The following RBBP8 variants were observed in gnomAD, a reference collection of about 807,000 sequenced individuals.
The protein encoded by RBBP8 is DNA endonuclease RBBP8.
RBBP8 carries 88 observed loss-of-function variants against 108.3 expected under a neutral mutation model. The observed-to-expected ratio is 0.81, with a 90% confidence interval of 0.68 to 0.97. The LOEUF is 0.97. Among genes scored for constraint, RBBP8 ranks in the 50% least tolerant of loss-of-function variants. The pLI, the probability that RBBP8 is intolerant of heterozygous loss-of-function variation, is 0.00. For synonymous variants in RBBP8, 332 were observed against 348.2 expected (o/e 0.95, Z 0.52); for missense variants, 1,023 against 1,049.0 (o/e 0.98, Z 0.34).
chr18:23,026,349 A>G lies in RBBP8; in HGVS notation c.*109A>G, dbSNP rs1352528262. Reference sequence around the variant, plus strand: ...TTTTTGATCTTCTGTAAATGGATTTATAAATCAGTTTTCTATTGAAAATGT... The same window carrying G: ...TTTTTGATCTTCTGTAAATGGATTTGTAAATCAGTTTTCTATTGAAAATGT... On this transcript the variant is annotated 3_prime_UTR_variant, in exon 19 of 19. Coordinates refer to ENST00000327155, the MANE Select transcript of RBBP8 (RefSeq NM_002894.3). The G allele has an allele frequency of 6.3e-6, 6 of 959,646 alleles. No individual in the cohort carries two copies. The highest frequency in any genetic ancestry group is 4.9e-5 in the African/African-American group (3 of 60,830). 59.4% of individuals were successfully genotyped at this position (959,646 alleles called of 1,614,324 possible).
At chr18:23,011,747 T>G (rs1362336254) in intron 16 of RBBP8, among the ~76,000 whole-genome samples, 1 of 152,036 alleles carries the variant, frequency 6.6e-6, no homozygotes, top group Admixed American at 6.6e-5. Flanking sequence ...CCTGATGCTG[T>G]TATTATAAGT....
Position 23,026,133 on chromosome 18 carries a change from TGTTTTTAAG to T in RBBP8, c.2597-6_2599del. On this transcript the variant is annotated splice_acceptor_variant and splice_polypyrimidine_tract_variant and intron_variant, in intron 18 of 18. Transcript: ENST00000327155. LOFTEE classifies it high-confidence loss of function. ...CATACAGTCTTCTAAGTTTATGATT[TGTTTTTAAG>T]GTTATATTAAGGAAGATCTTGATCC... 1 of 1,600,912 alleles carries T rather than the reference TGTTTTTAAG, an allele frequency of 6.2e-7. No individual in the cohort carries two copies. The highest frequency in any genetic ancestry group is 2.2e-5 in the East Asian group (1 of 44,710).
At chr18:22,918,209 G>A (rs775538401) in intron 3 of RBBP8, among the ~76,000 whole-genome samples, 2 of 152,120 alleles carry the variant, frequency 1.3e-5, no homozygotes, top group African/African-American at 4.8e-5. Context: ...GGAAGAAAGC[G>A]TGACATGGAT....
intron 4 of RBBP8, 150 bp downstream of exon 4, chr18:22,949,863 A>T: frequency 3.2e-6 from 2 of 616,818 alleles, no homozygotes; most frequent in South Asian, 4.0e-5. Flanking sequence ...GAAAACAAGG[A>T]TCTATTCTTT....
intron 4 of RBBP8, among the ~76,000 whole-genome samples, chr18:22,950,764 T>C (rs1911969674): frequency 6.6e-6 from 1 of 152,016 alleles, no homozygotes; most frequent in Admixed American, 6.6e-5. Flanking sequence ...TACAAAAAAT[T>C]AAAAATTAGC....
chr18:22,936,739 A>T lies in RBBP8; in HGVS notation c.-98-15A>T. On this transcript the variant is annotated splice_polypyrimidine_tract_variant and intron_variant, in intron 1 of 18. Coordinates refer to ENST00000327155, the MANE Select transcript of RBBP8 (RefSeq NM_002894.3). The stretch of plus-strand genomic sequence containing the variant: ...TAAATGCAAAGTTCATTTATGTTGC[A>T]ATCTGTCATTTCAGGTATTTGACCT... 8.5e-7 allele frequency: 1 copy of T among 1,180,778 alleles called. No homozygotes were observed. Among genetic ancestry groups the T allele is most frequent in the Non-Finnish European group, 1.3e-6 (1 of 797,928 alleles). The allele number at this position is 1,180,778 out of a possible 1,614,324, so 73.1% of individuals were successfully genotyped here. A position where few individuals can be genotyped will look rare whatever the true frequency, so the allele number is the denominator to read the frequency against.
At chr18:23,001,420 C>T (rs1278982783) in intron 14 of RBBP8, 166 bp from the exon 15 acceptor site, 2 of 733,176 alleles carry the variant, frequency 2.7e-6, no homozygotes, top group Non-Finnish European at 4.6e-6. Context: ...TACACAGTTA[C>T]TAAGCTCAGT....
At chr18:22,937,055 T>C in intron 2 of RBBP8, 95 bp downstream of exon 2, 2 of 1,560,484 alleles carry the variant, frequency 1.3e-6, no homozygotes, top group Non-Finnish European at 1.7e-6. Flanking sequence ...TTATTTCTAT[T>C]TCAGCTTTTA....
chr18:22,944,297 G>T (rs1296874206), intron 2 of RBBP8, among the ~76,000 whole-genome samples: 1 of 152,130 alleles, frequency 6.6e-6, no homozygotes, highest in Non-Finnish European at 1.5e-5. Flanking sequence ...TTCTTCCCCT[G>T]TTTCCCAAGG....
intron 9 of RBBP8, among the ~76,000 whole-genome samples, chr18:22,990,102 T>G (rs1006896230): frequency 6.6e-6 from 1 of 152,216 alleles, no homozygotes; most frequent in Admixed American, 6.5e-5. Context: ...ACCTTTGAAC[T>G]TTGAATGTGT....
intron 15 of RBBP8, 30 bp from the exon 16 acceptor site, chr18:23,006,333 T>C: frequency 6.4e-7 from 1 of 1,573,742 alleles, no homozygotes; most frequent in Non-Finnish European, 8.7e-7. Context: ...GTTCTACATT[T>C]AGTTTGTAAT....
At chr18:23,022,643 AAATACAATAT>A (rs2046375860) in intron 18 of RBBP8, among the ~76,000 whole-genome samples, 1 of 57,594 alleles carries the variant, frequency 1.7e-5, no homozygotes, top group Non-Finnish European at 4.8e-5. Context: ...AAAATAAATA[AAATACAATAT>A]AAAATAAAAT....
At chr18:22,966,020 C>T (rs1191625266) in intron 4 of RBBP8, among the ~76,000 whole-genome samples, 1 of 152,176 alleles carries the variant, frequency 6.6e-6, no homozygotes, top group Admixed American at 6.5e-5. Context: ...ATGCAATTCT[C>T]AGCTTTTCCT....
intron 1 of RBBP8, 199 bp downstream of exon 1, chr18:22,933,763 C>G (rs917626571): frequency 2.0e-5 from 3 of 152,222 alleles, no homozygotes; most frequent in African/African-American, 7.2e-5. Context: ...TACCTCAGTA[C>G]TACTTCTGGG....
At chr18:22,994,424 C>T (rs1422468650) in intron 12 of RBBP8, among the ~76,000 whole-genome samples, 2 of 148,712 alleles carry the variant, frequency 1.3e-5, no homozygotes, top group African/African-American at 4.9e-5. Context: ...TGGTGGATCA[C>T]GATGTCAGGA....
chr18:22,934,947 T>C (rs201375563), intron 1 of RBBP8, among the ~76,000 whole-genome samples: 1 of 148,618 alleles, frequency 6.7e-6, no homozygotes, highest in Non-Finnish European at 1.5e-5. Context: ...ATAAATATTC[T>C]ATAATATATA....
chr18:22,950,731 G>A (rs561654978), intron 4 of RBBP8, among the ~76,000 whole-genome samples: 11 of 152,164 alleles, frequency 7.2e-5, no homozygotes, highest in South Asian at 4.1e-4. Context: ...AACCAGCGTC[G>A]CAGTATAGCA....
In RBBP8 at chr18:23,001,704, G is replaced by T. The variant is rs1383337370; in HGVS notation, c.2262G>T (p.Leu754Phe). Residue 754 changes from leucine to phenylalanine, a missense_variant, in exon 15 of 19, where the codon TTG becomes TTT. Coordinates refer to ENST00000327155, the MANE Select transcript of RBBP8 (RefSeq NM_002894.3). ...FSQAADEEEE[L>F]STATKKLHTH... ...AAGCAGCAGATGAAGAGGAGGAATT[G>T]TCTACTGCCACAAAGAAACTACACA... 2 of 1,613,996 alleles carry T rather than the reference G, an allele frequency of 1.2e-6. No homozygotes were observed. Among genetic ancestry groups the T allele is most frequent in the Non-Finnish European group, 1.7e-6 (2 of 1,180,010 alleles).
In RBBP8 at chr18:22,963,642, C is replaced by A. The variant is rs191498016; in HGVS notation, c.249-5164C>A. ...ATCAGAGGTTCCTTTTACTGCTTTC[C>A]TTTTTCATATATCTAGGACTTCTTT... On this transcript the variant is annotated intron_variant, in intron 4 of 18. Coordinates refer to ENST00000327155, the MANE Select transcript of RBBP8 (RefSeq NM_002894.3). 1.2e-3 allele frequency among the ~76,000 whole-genome samples: 188 copies of A among 152,224 alleles called. 3 individuals are homozygous for A. The highest frequency in any genetic ancestry group is 0.011 in the Admixed American group (161 of 15,280).
Sources: gnomAD v4.1 joint callset for allele counts (sites outside exome capture counted in the v4.1 genomes callset) on GRCh38, gnomAD v4.1.1 for gene constraint, MANE v1.5 for transcripts, NCBI Gene and HGNC (gene_info 2026-07-23, HGNC 2026-07-21) for gene names.